Variants in MAP4 observed in about 807,000 individuals in gnomAD.
MAP4 encodes microtubule associated protein 4.
In MAP4, 76 loss-of-function variants were observed where a neutral mutation model predicts 170.2. The ratio of observed to expected loss-of-function variants is 0.45; its 90% confidence interval spans 0.37 to 0.54. The LOEUF (loss-of-function observed/expected upper bound fraction) is 0.54. Among genes scored for constraint, MAP4 ranks in the 20% least tolerant of loss-of-function variants. The probability of loss-of-function intolerance (pLI) is 0.00; values close to 1 mark genes in which losing one functional copy is unlikely to be tolerated. For synonymous variants in MAP4, 909 were observed against 994.5 expected (o/e 0.91, Z 1.62); for missense variants, 2,506 against 2,748.0 (o/e 0.91, Z 1.97).
intron 2 of MAP4, among the ~76,000 whole-genome samples, chr3:47,992,826 C>T (rs1298462066): frequency 6.7e-6 from 1 of 150,016 alleles, no homozygotes; most frequent in African/African-American, 2.5e-5. Flanking sequence ...ATCTCTTGAA[C>T]ACAGGAGGTA....
At chr3:48,086,100 A>G (rs534751829) in intron 1 of MAP4, among the ~76,000 whole-genome samples, 1 of 147,114 alleles carries the variant, frequency 6.8e-6, no homozygotes, top group Admixed American at 6.7e-5. Context: ...GTGTGTATAT[A>G]TATGTATATG....
chr3:47,978,614 C>T (rs774001336), intron 2 of MAP4, among the ~76,000 whole-genome samples: 19 of 152,132 alleles, frequency 1.2e-4, no homozygotes, highest in Non-Finnish European at 2.5e-4. Context: ...CCATGCCCAG[C>T]GGAGGCCATT....
chr3:47,852,628 G>A lies in MAP4; in HGVS notation c.*306C>T, dbSNP rs2044731521. The A allele has an allele frequency of 2.1e-6, 2 of 967,184 alleles. No homozygotes were observed. Among genetic ancestry groups the A allele is most frequent in the Non-Finnish European group, 3.0e-6 (2 of 677,274 alleles). 59.9% of individuals were successfully genotyped at this position (967,184 alleles called of 1,614,324 possible). ...CCAACCCCCTCCCAACCTCCTCCAC[G>A]GAGCAGTGGCGCAGTGATGGGGCAA... On this transcript the variant is annotated 3_prime_UTR_variant, in exon 21 of 21. Coordinates refer to ENST00000683076, the MANE Select transcript of MAP4 (RefSeq NM_001385682.1).
chr3:48,072,355 C>G (rs1423579189), intron 1 of MAP4, among the ~76,000 whole-genome samples: 1 of 151,750 alleles, frequency 6.6e-6, no homozygotes, highest in South Asian at 2.1e-4. Context: ...ACAAAAATTA[C>G]CTGGGTGTGG....
rs140968727 is a variant in MAP4, at chr3:48,070,330, C to T, written c.-20+18443G>A. 1.7e-3 allele frequency among the ~76,000 whole-genome samples: 262 copies of T among 151,028 alleles called. 1 individual carries two copies. Among genetic ancestry groups the T allele is most frequent in the Non-Finnish European group, 1.4e-3 (94 of 67,722 alleles). ...AAGTGTGAGCCACCATGCCCAACCA[C>T]GGTTTCTTTTTATCCTTCTTCTTCT... On this transcript the variant is annotated intron_variant, in intron 1 of 18. Coordinates refer to the MAP4 transcript ENST00000360240.
intron 10 of MAP4, among the ~76,000 whole-genome samples, chr3:47,887,203 G>T (rs1008069710): frequency 6.6e-6 from 1 of 152,368 alleles, no homozygotes; most frequent in East Asian, 1.9e-4. Context: ...GGGAGGTGTG[G>T]AAGGAGAGGC....
chr3:48,075,905 G>A (rs2100143623), intron 1 of MAP4, among the ~76,000 whole-genome samples: 1 of 150,288 alleles, frequency 6.7e-6, no homozygotes, highest in South Asian at 2.1e-4. Context: ...AACCCGGGAG[G>A]TGGAGGCTGC....
chr3:47,990,952 C>A (rs2100091793), intron 2 of MAP4, among the ~76,000 whole-genome samples: 1 of 152,086 alleles, frequency 6.6e-6, no homozygotes, highest in South Asian at 2.1e-4. Flanking sequence ...GAGTTTGACA[C>A]CAATTTTATT....
chr3:47,871,014 G>T lies in MAP4; in HGVS notation c.6093C>A (p.Pro2031=). Reference sequence around the variant, plus strand: ...GCATGGGTGTGGCCTTGACTCGGCTGGGAACCACCCCTGCAGCGGGGGCTG... The same window carrying T: ...GCATGGGTGTGGCCTTGACTCGGCTTGGAACCACCCCTGCAGCGGGGGCTG... ...SGTAPAAGVV[P]SRVKATPMPS... is the part of the protein sequence containing the mutation. The change falls in exon 15 of 21, where the codon CCC becomes CCA. Residue 2031 remains proline (P), a synonymous_variant. Transcript: ENST00000683076. The T allele has an allele frequency of 6.2e-7, 1 of 1,614,132 alleles. No homozygotes were observed.
intron 1 of MAP4, among the ~76,000 whole-genome samples, chr3:48,078,510 C>CT (rs1381880266): frequency 1.3e-5 from 2 of 151,848 alleles, no homozygotes; most frequent in Non-Finnish European, 2.9e-5. Flanking sequence ...TATGTATCAA[C>CT]TTTTTTAAAT....
intron 3 of MAP4, among the ~76,000 whole-genome samples, chr3:47,966,271 A>G (rs1358963084): frequency 1.2e-5 from 1 of 85,762 alleles, no homozygotes; most frequent in African/African-American, 4.5e-5. Context: ...TTTTTGAGAC[A>G]GAGTCTTGCT....
intron 3 of MAP4, among the ~76,000 whole-genome samples, chr3:47,943,022 G>GA (rs2100057497): frequency 6.6e-6 from 1 of 152,082 alleles, no homozygotes; most frequent in African/African-American, 2.4e-5. Context: ...GCTGAGGTGG[G>GA]AGGATTGCTT....
chr3:47,960,048 G>A (rs1239428606), intron 3 of MAP4, among the ~76,000 whole-genome samples: 3 of 151,890 alleles, frequency 2.0e-5, no homozygotes, highest in South Asian at 2.1e-4. Flanking sequence ...ATTTTTAGTA[G>A]AGACAGGGTT....
At chr3:48,063,475 C>G (rs980027361) in intron 1 of MAP4, among the ~76,000 whole-genome samples, 3 of 151,778 alleles carry the variant, frequency 2.0e-5, no homozygotes, top group African/African-American at 7.3e-5. Flanking sequence ...TCTCACCACA[C>G]AATCCAGCAA....
intron 9 of MAP4, among the ~76,000 whole-genome samples, chr3:47,906,360 A>G (rs937901412): frequency 6.6e-6 from 1 of 152,158 alleles, no homozygotes; most frequent in Non-Finnish European, 1.5e-5. Context: ...AATGAAAAAA[A>G]GTTGGGAAAC....
chr3:47,952,590 A>G (rs1267298548), intron 3 of MAP4, among the ~76,000 whole-genome samples: 1 of 151,988 alleles, frequency 6.6e-6, no homozygotes, highest in African/African-American at 2.4e-5. Flanking sequence ...CCTTACCCCC[A>G]ACCCTGTGCT....
intron 16 of MAP4, among the ~76,000 whole-genome samples, chr3:47,868,391 A>G (rs890423628): frequency 6.6e-6 from 1 of 152,188 alleles, no homozygotes; most frequent in East Asian, 1.9e-4. Flanking sequence ...CCAAGTGGTT[A>G]GCAAACTACT....
intron 3 of MAP4, among the ~76,000 whole-genome samples, chr3:47,950,637 GT>G (rs968334373): frequency 1.3e-5 from 2 of 152,050 alleles, no homozygotes; most frequent in African/African-American, 4.8e-5. Flanking sequence ...GCTTGGTGGA[GT>G]TTCAAGATGC....
At chr3:48,003,768 G>A (rs1252262839) in intron 1 of MAP4, among the ~76,000 whole-genome samples, 1 of 152,108 alleles carries the variant, frequency 6.6e-6, no homozygotes, top group Non-Finnish European at 1.5e-5. Flanking sequence ...TGAGGGTGTT[G>A]CCAAAGGAGA....
Sources: gnomAD v4.1 joint callset for allele counts (sites outside exome capture counted in the v4.1 genomes callset) on GRCh38, gnomAD v4.1.1 for gene constraint, MANE v1.5 for transcripts, NCBI Gene and HGNC (gene_info 2026-07-23, HGNC 2026-07-21) for gene names.